The following TM9SF2 variants were observed in gnomAD, a reference collection of about 807,000 sequenced individuals.
The protein encoded by TM9SF2 is transmembrane 9 superfamily member 2.
Under a neutral mutation model 84.9 loss-of-function variants are expected in TM9SF2, and 13 were observed. The ratio of observed to expected loss-of-function variants is 0.15; its 90% CI spans 0.10 to 0.24. The LOEUF is 0.24. Among genes scored for constraint, TM9SF2 ranks in the 10% least tolerant of loss-of-function variants. The pLI is 1.00. For synonymous variants in TM9SF2, 273 were observed against 285.8 expected, an observed-to-expected ratio of 0.96 and a Z score of 0.45; for missense variants, 562 against 818.5, an observed-to-expected ratio of 0.69 and a Z score of 3.82.
chr13:99,524,539 T>G (rs2046173948), intron 3 of TM9SF2, among the ~76,000 whole-genome samples: 1 of 151,976 alleles, frequency 6.6e-6, no homozygotes, highest in South Asian at 2.1e-4. Flanking sequence ...TTTTGGAGTT[T>G]GGAGAAGGGC....
intron 4 of TM9SF2, among the ~76,000 whole-genome samples, chr13:99,533,464 T>C (rs1018315599): frequency 1.3e-5 from 2 of 152,210 alleles, no homozygotes; most frequent in East Asian, 1.9e-4. Context: ...GAAAATATTA[T>C]GGACTTTTTT....
At chr13:99,544,042 C>A in intron 10 of TM9SF2, 47 bp downstream of exon 10, 1 of 1,600,708 alleles carries the variant, frequency 6.2e-7, no homozygotes, top group Non-Finnish European at 8.5e-7. Flanking sequence ...TTTCTAAATA[C>A]AGTAATTGCT....
intron 3 of TM9SF2, among the ~76,000 whole-genome samples, chr13:99,521,787 G>C (rs1261779409): frequency 6.6e-6 from 1 of 151,780 alleles, no homozygotes; most frequent in Non-Finnish European, 1.5e-5. Flanking sequence ...GGTTACTGCA[G>C]CCTCAGACTC....
At chr13:99,518,260 T>C (rs1038726150) in intron 2 of TM9SF2, among the ~76,000 whole-genome samples, 15 of 152,310 alleles carry the variant, frequency 9.8e-5, no homozygotes, top group Middle Eastern at 3.4e-3. Context: ...TATAGATGCA[T>C]GCCACCACGT....
At chr13:99,507,144 T>G (rs1216849485) in intron 1 of TM9SF2, among the ~76,000 whole-genome samples, 1 of 152,198 alleles carries the variant, frequency 6.6e-6, no homozygotes, top group Non-Finnish European at 1.5e-5. Flanking sequence ...AGAAGCTCAA[T>G]AAGATTTAGT....
intron 15 of TM9SF2, among the ~76,000 whole-genome samples, chr13:99,558,022 G>GC (rs1351229264): frequency 6.6e-6 from 1 of 152,210 alleles, no homozygotes; most frequent in Non-Finnish European, 1.5e-5. Context: ...GTAGTGTCCA[G>GC]CTACATTATT....
At chr13:99,538,703 A>G (rs1250203123) in intron 6 of TM9SF2, among the ~76,000 whole-genome samples, 1 of 152,160 alleles carries the variant, frequency 6.6e-6, no homozygotes, top group Non-Finnish European at 1.5e-5. Context: ...ACTTGAGCCC[A>G]GGAGTTCAAG....
Position 99,552,302 on chromosome 13 carries a change from T to C in TM9SF2, c.1464T>C (p.Gly488=). Residue 488 remains glycine (G), a synonymous_variant, in exon 13 of 17, where the codon GGT becomes GGC. Transcript: ENST00000376387. ...TATCTGTGCCTCTGACGTTTATTGGTGCATACTTTGGTTTTAAGAAGAATG... is the reference window on the plus strand; with the variant it reads ...TATCTGTGCCTCTGACGTTTATTGGCGCATACTTTGGTTTTAAGAAGAATG... ...FCISVPLTFI[G]AYFGFKKNAI... is the part of the protein sequence containing the mutation. The C allele has an allele frequency of 6.2e-7, 1 of 1,613,750 alleles. No individual in the cohort carries two copies. The highest frequency in any genetic ancestry group is 8.5e-7 in the Non-Finnish European group (1 of 1,179,906).
intron 7 of TM9SF2, chr13:99,540,464 G>T (rs2046253690): frequency 1.3e-5 from 3 of 234,544 alleles, no homozygotes; most frequent in African/African-American, 2.4e-5. Flanking sequence ...ATAATTTAAA[G>T]CAATACTTTT....
At chr13:99,526,937 G>C (rs564505335) in intron 3 of TM9SF2, among the ~76,000 whole-genome samples, 2 of 152,090 alleles carry the variant, frequency 1.3e-5, no homozygotes, top group South Asian at 2.1e-4. Flanking sequence ...CCCAGCGCTG[G>C]GGCCTATGAG....
In TM9SF2 at chr13:99,540,646, G is replaced by GA. The variant is rs561106303; in HGVS notation, c.829-67dup. ...CAATGGAAGGACAAGCTTTGAATGG[G>GA]ATTTTTTTTTGTTCTTAATGTGCTG... On this transcript the variant is annotated intron_variant, in intron 7 of 16. Transcript: ENST00000376387. The GA allele has an allele frequency of 6.2e-5, 81 of 1,310,754 alleles. 1 individual carries two copies. In the South Asian group the frequency reaches 9.7e-4, roughly 16 times the overall value. The allele number at this position is 1,310,754 out of a possible 1,614,324, so 81.2% of individuals were successfully genotyped here.
At chr13:99,561,176 C>A (rs2046343799) in intron 16 of TM9SF2, among the ~76,000 whole-genome samples, 1 of 152,122 alleles carries the variant, frequency 6.6e-6, no homozygotes. Context: ...CCTTTAAATG[C>A]CTTACCTTTC....
chr13:99,509,762 C>T (rs947641131), intron 1 of TM9SF2, among the ~76,000 whole-genome samples: 2 of 152,180 alleles, frequency 1.3e-5, no homozygotes, highest in Non-Finnish European at 2.9e-5. Flanking sequence ...TCCCCGTAGT[C>T]TTGGATATTA....
Position 99,564,022 on chromosome 13 carries a change from A to G in TM9SF2, c.*1264A>G, listed in dbSNP as rs1594065117. ...ACTAAAATTACTAGCTGTCACTTAT[A>G]TGATATTGCTGGGTTCTTACTGAAT... On this transcript the variant is annotated 3_prime_UTR_variant, in exon 17 of 17. Transcript: ENST00000376387. 6.6e-6 allele frequency: 1 copy of G among 151,638 alleles called. No homozygotes were observed. Among genetic ancestry groups the G allele is most frequent in the Admixed American group, 6.6e-5 (1 of 15,208 alleles). 9.4% of individuals were successfully genotyped at this position (151,638 alleles called of 1,614,324 possible). A position where few individuals can be genotyped will look rare whatever the true frequency, so the allele number is the denominator to read the frequency against.
intron 3 of TM9SF2, among the ~76,000 whole-genome samples, chr13:99,527,344 TG>T (rs2046188208): frequency 6.6e-6 from 1 of 152,146 alleles, no homozygotes; most frequent in Non-Finnish European, 1.5e-5. Context: ...TCCATATGGC[TG>T]GGGAGGCCTC....
intron 4 of TM9SF2, among the ~76,000 whole-genome samples, chr13:99,532,297 G>A (rs1287494125): frequency 6.6e-5 from 10 of 151,842 alleles, no homozygotes; most frequent in South Asian, 2.1e-4. Flanking sequence ...TGATCCGCCC[G>A]CCTCTGCCTC....
chr13:99,524,899 TC>T (rs1422507674), intron 3 of TM9SF2, among the ~76,000 whole-genome samples: 1 of 148,898 alleles, frequency 6.7e-6, no homozygotes, highest in East Asian at 2.0e-4. Context: ...ATGGGGAGAG[TC>T]TAGCAAAGGA....
intron 12 of TM9SF2, among the ~76,000 whole-genome samples, chr13:99,549,703 T>G (rs1158801939): frequency 1.3e-5 from 2 of 152,294 alleles, no homozygotes; most frequent in Non-Finnish European, 2.9e-5. Context: ...TCCTTCACTC[T>G]CTGGAACTGC....
intron 4 of TM9SF2, among the ~76,000 whole-genome samples, chr13:99,533,994 T>G (rs1473983087): frequency 6.6e-6 from 1 of 152,152 alleles, no homozygotes; most frequent in Non-Finnish European, 1.5e-5. Flanking sequence ...ATTTGGGGCT[T>G]TAGCACATAA....
Sources: allele counts gnomAD v4.1 joint callset (sites outside exome capture counted in the v4.1 genomes callset), GRCh38; gene constraint gnomAD v4.1.1; transcripts MANE v1.5; gene names NCBI Gene and HGNC (gene_info 2026-07-23, HGNC 2026-07-21).